Variants in EYS observed in about 807,000 individuals in gnomAD.
EYS encodes the protein EGF-like photoreceptor maintenance factor, also known as protein eyes shut homolog.
A neutral mutation model predicts 282.1 loss-of-function variants in EYS; 250 were observed. That is an observed-to-expected ratio of 0.89 (90% CI 0.80 to 0.98). The LOEUF (loss-of-function observed/expected upper bound fraction) is 0.98, where lower values mean the gene tolerates loss of function less well. Ranked by LOEUF, EYS falls within the 50% of genes least tolerant of loss-of-function variation. EYS has a pLI of 0.00. For synonymous variants in EYS, 1,355 were observed against 1,282.9 expected (o/e 1.06, Z -1.20); for missense variants, 4,016 against 3,709.0 (o/e 1.08, Z -2.15).
chr6:65,332,366 C>T (rs528191029), intron 11 of EYS: 1 of 940,380 alleles, frequency 1.1e-6, no homozygotes, highest in South Asian at 1.4e-5. Context: ...GCTGTATAAA[C>T]CTTTCTATAT....
chr6:64,632,519 T>TAAACC (rs948346496), intron 22 of EYS, among the ~76,000 whole-genome samples: 5 of 17,302 alleles, frequency 2.9e-4, no homozygotes, highest in Non-Finnish European at 6.9e-4. Flanking sequence ...GGAATAACCA[T>TAAACC]AAACCAAACC....
chr6:63,919,753 C>T (rs114051068), intron 35 of EYS, among the ~76,000 whole-genome samples: 1,612 of 152,328 alleles, frequency 0.011, 24 homozygotes, highest in African/African-American at 0.037. Flanking sequence ...TTGCTACACA[C>T]GTCCACTCTG....
At chr6:65,459,991 TA>T in intron 5 of EYS, among the ~76,000 whole-genome samples, 1 of 136,448 alleles carries the variant, frequency 7.3e-6, no homozygotes, top group South Asian at 2.2e-4. Context: ...TATATATATA[TA>T]TATATATATA....
intron 29 of EYS, among the ~76,000 whole-genome samples, chr6:64,355,506 T>C (rs1771795056): frequency 6.6e-6 from 1 of 151,608 alleles, no homozygotes; most frequent in African/African-American, 2.4e-5. Flanking sequence ...TTCATTGACT[T>C]TTCCATGCAT....
At chr6:65,468,095 C>A (rs1044981140) in intron 5 of EYS, among the ~76,000 whole-genome samples, 1 of 152,060 alleles carries the variant, frequency 6.6e-6, no homozygotes, top group Non-Finnish European at 1.5e-5. Flanking sequence ...CTAAGGGCAG[C>A]TCAGGAAAAT....
At chr6:64,845,451 A>G (rs549500570) in intron 19 of EYS, among the ~76,000 whole-genome samples, 2 of 152,220 alleles carry the variant, frequency 1.3e-5, no homozygotes, top group African/African-American at 4.8e-5. Flanking sequence ...ATAATGGTGA[A>G]TCCTATCATT....
At chr6:65,545,367 T>C (rs985707363) in intron 2 of EYS, among the ~76,000 whole-genome samples, 21 of 152,116 alleles carry the variant, frequency 1.4e-4, no homozygotes, top group African/African-American at 4.8e-4. Flanking sequence ...AGTATTTAGA[T>C]ATTAACCAAC....
intron 14 of EYS, among the ~76,000 whole-genome samples, chr6:64,947,706 T>A (rs116488101): frequency 0.012 from 1,795 of 150,862 alleles, 39 homozygotes; most frequent in African/African-American, 0.041. Flanking sequence ...AAATTGAATA[T>A]AATGATTATA....
intron 22 of EYS, among the ~76,000 whole-genome samples, chr6:64,709,895 C>G (rs1029529399): frequency 6.6e-6 from 1 of 152,026 alleles, no homozygotes; most frequent in Non-Finnish European, 1.5e-5. Context: ...TGGTTTTTTT[C>G]TGGTGCTCTT....
chr6:63,800,420 TG>T (rs1225716493), intron 37 of EYS, among the ~76,000 whole-genome samples: 1 of 152,226 alleles, frequency 6.6e-6, no homozygotes, highest in East Asian at 1.9e-4. Flanking sequence ...AGGAATGTAG[TG>T]GTTCTGGTTT....
intron 34 of EYS, among the ~76,000 whole-genome samples, chr6:63,994,372 T>C (rs1362237407): frequency 6.6e-6 from 1 of 151,932 alleles, no homozygotes; most frequent in Non-Finnish European, 1.5e-5. Context: ...AAATAGTGCA[T>C]GTTCCCAAGG....
chr6:65,293,580 T>G (rs1156679622), intron 12 of EYS, among the ~76,000 whole-genome samples: 3 of 151,898 alleles, frequency 2.0e-5, no homozygotes, highest in Non-Finnish European at 4.4e-5. Flanking sequence ...AAGTGAATTT[T>G]ACATCTTAGG....
intron 12 of EYS, among the ~76,000 whole-genome samples, chr6:65,218,341 T>C (rs1766370596): frequency 6.6e-6 from 1 of 152,138 alleles, no homozygotes; most frequent in Non-Finnish European, 1.5e-5. Context: ...GTTATTGGCA[T>C]GCAGATGGTA....
intron 2 of EYS, among the ~76,000 whole-genome samples, chr6:65,498,688 A>G (rs755518346): frequency 2.6e-4 from 40 of 152,024 alleles, no homozygotes; most frequent in Non-Finnish European, 5.3e-4. Flanking sequence ...AAAAACATCT[A>G]TTAAGTCAAT....
At chr6:65,421,185 C>G (rs1406234259) in intron 5 of EYS, among the ~76,000 whole-genome samples, 1 of 151,810 alleles carries the variant, frequency 6.6e-6, no homozygotes, top group African/African-American at 2.4e-5. Context: ...TGATACTAGG[C>G]TGTTTTTTTT....
At chr6:64,925,426 T>C (rs974248107) in intron 15 of EYS, among the ~76,000 whole-genome samples, 1 of 124,464 alleles carries the variant, frequency 8.0e-6, no homozygotes. Context: ...GTAGTCTTCA[T>C]GTGGTGGCTT....
intron 26 of EYS, among the ~76,000 whole-genome samples, chr6:64,560,271 T>A (rs1393842048): frequency 6.6e-6 from 1 of 151,916 alleles, no homozygotes; most frequent in South Asian, 2.1e-4. Flanking sequence ...TTTTTTATGG[T>A]CAATTGTAGA....
At position 65,403,122 on chromosome 6, in the gene EYS, C is replaced by G. The variant is rs190645067; in HGVS notation, c.1057-517G>C. On this transcript the variant is annotated intron_variant, in intron 6 of 42. Coordinates refer to ENST00000503581, the MANE Select transcript of EYS (RefSeq NM_001142800.2). ...CTTTCCGATGGCAACCTCAGAGGGA[C>G]TCTAAACAATATCCTAGCTGAGACA... Among the ~76,000 whole-genome samples the G allele has an allele frequency of 2.0e-5, 3 of 152,088 alleles. No individual in the cohort carries two copies. The East Asian group carries it at 5.8e-4, about 29-fold the overall frequency.
chr6:64,885,394 A>G (rs909365833), intron 19 of EYS, among the ~76,000 whole-genome samples: 1 of 151,746 alleles, frequency 6.6e-6, no homozygotes, highest in African/African-American at 2.4e-5. Context: ...AAAATATCAG[A>G]GCAAGGTGTT....
Sources: allele counts gnomAD v4.1 joint callset (sites outside exome capture counted in the v4.1 genomes callset), GRCh38; gene constraint gnomAD v4.1.1; transcripts MANE v1.5; gene names NCBI Gene and HGNC (gene_info 2026-07-23, HGNC 2026-07-21).